The following CCDC25 variants were observed in gnomAD, a reference collection of about 807,000 sequenced individuals.
CCDC25 encodes coiled-coil domain containing 25, also known as coiled-coil domain-containing protein 25.
Under a neutral mutation model 35.3 loss-of-function variants are expected in CCDC25, and 16 were observed. That is an observed-to-expected ratio of 0.45 (90% CI 0.31 to 0.69). The LOEUF is 0.69. Ranked by LOEUF, CCDC25 falls within the 30% of genes least tolerant of loss-of-function variation. CCDC25 has a pLI of 0.06. For missense variants in CCDC25, 179 were observed against 250.7 expected (o/e 0.71, Z 1.93); for synonymous variants, 79 against 80.3 (o/e 0.98, Z 0.09).
intron 1 of CCDC25, among the ~76,000 whole-genome samples, chr8:27,765,735 G>A (rs1359538289): frequency 6.6e-6 from 1 of 152,086 alleles, no homozygotes; most frequent in Non-Finnish European, 1.5e-5. Context: ...CCATATTCCA[G>A]GTGTGCTGCA....
In CCDC25 at chr8:27,772,608, C is replaced by G. The variant is rs1585385777; in HGVS notation, c.-68G>C. 2 of 1,498,376 alleles carry G rather than the reference C, an allele frequency of 1.3e-6. No individual in the cohort carries two copies. The highest frequency in any genetic ancestry group is 2.5e-5 in the East Asian group (1 of 40,142). 92.8% of individuals were successfully genotyped at this position (1,498,376 alleles called of 1,614,324 possible). On this transcript the variant is annotated 5_prime_UTR_variant, in exon 1 of 9. Coordinates refer to ENST00000356537, the MANE Select transcript of CCDC25 (RefSeq NM_018246.3). Reference sequence around the variant, plus strand: ...GCTCAACTCACGAAGCTCAGGATACCAGACTCGCGGCGGCCGCCTGGCCCC... The same window carrying G: ...GCTCAACTCACGAAGCTCAGGATACGAGACTCGCGGCGGCCGCCTGGCCCC...
intron 7 of CCDC25, among the ~76,000 whole-genome samples, chr8:27,742,910 T>C (rs1321110633): frequency 6.6e-6 from 1 of 152,098 alleles, no homozygotes; most frequent in East Asian, 1.9e-4. Context: ...CAAATTTACC[T>C]TTCTTTAGTT....
chr8:27,765,340 A>G, intron 1 of CCDC25, 89 bp from the exon 2 acceptor site: 1 of 1,092,352 alleles, frequency 9.2e-7, no homozygotes, highest in East Asian at 3.1e-5. Flanking sequence ...TTCTTAGACT[A>G]GGGGCTGGCA....
At chr8:27,756,618 A>G in intron 4 of CCDC25, 101 bp downstream of exon 4, 1 of 783,022 alleles carries the variant, frequency 1.3e-6, no homozygotes, top group South Asian at 1.6e-5. Context: ...AGATTTGCGT[A>G]CCAACTTATT....
At chr8:27,748,458 C>G (rs1345211098) in intron 6 of CCDC25, 37 bp downstream of exon 6, 1 of 1,499,852 alleles carries the variant, frequency 6.7e-7, no homozygotes, top group East Asian at 2.3e-5. Context: ...CATTCAGTAT[C>G]AGGGCTCCGC....
At chr8:27,760,488 A>AT (rs1376648981) in intron 3 of CCDC25, among the ~76,000 whole-genome samples, 1 of 152,202 alleles carries the variant, frequency 6.6e-6, no homozygotes, top group African/African-American at 2.4e-5. Context: ...GGAGATAACC[A>AT]TGATGTGGCC....
At chr8:27,750,834 G>A (rs1043936622) in intron 5 of CCDC25, among the ~76,000 whole-genome samples, 2 of 152,126 alleles carry the variant, frequency 1.3e-5, no homozygotes, top group Admixed American at 6.5e-5. Flanking sequence ...ATTCTATAGC[G>A]ACAAACAAAT....
At chr8:27,738,601 G>GGGGT (rs111450669) in intron 8 of CCDC25, among the ~76,000 whole-genome samples, 3 of 149,958 alleles carry the variant, frequency 2.0e-5, no homozygotes, top group African/African-American at 4.9e-5. Context: ...TCGGTAGGTA[G>GGGGT]GTGTGTGTGT....
At chr8:27,759,227 G>A (rs1202491331) in intron 3 of CCDC25, among the ~76,000 whole-genome samples, 2 of 152,236 alleles carry the variant, frequency 1.3e-5, no homozygotes, top group African/African-American at 4.8e-5. Context: ...GCTGTCCAAC[G>A]ACTTAAAGCA....
At chr8:27,766,489 T>C (rs1391162739) in intron 1 of CCDC25, among the ~76,000 whole-genome samples, 1 of 152,212 alleles carries the variant, frequency 6.6e-6, no homozygotes, top group Non-Finnish European at 1.5e-5. Context: ...GAAAAGTACC[T>C]TGAAAGAATG....
intron 4 of CCDC25, among the ~76,000 whole-genome samples, chr8:27,755,350 A>G (rs1585360643): frequency 1.3e-5 from 2 of 152,224 alleles, no homozygotes; most frequent in East Asian, 3.9e-4. Context: ...AGCTGCAACA[A>G]TATCAGAGTA....
chr8:27,741,776 G>A (rs1371796986), intron 7 of CCDC25, among the ~76,000 whole-genome samples: 2 of 152,204 alleles, frequency 1.3e-5, no homozygotes, highest in Admixed American at 6.5e-5. Flanking sequence ...CAAGATTAGA[G>A]AGGTGGTTAA....
chr8:27,762,458 T>A lies in CCDC25; in HGVS notation c.77A>T (p.Asn26Ile). 1 of 1,613,312 alleles carries A rather than the reference T, an allele frequency of 6.2e-7. No homozygotes were observed. Among genetic ancestry groups the A allele is most frequent in the Non-Finnish European group, 8.5e-7 (1 of 1,179,748 alleles). Residue 26 changes from asparagine to isoleucine, a missense_variant and splice_region_variant, in exon 3 of 9, where the codon AAT (asparagine) becomes ATT (isoleucine). By Grantham distance (149) the Asn-to-Ile change is moderately radical. Coordinates refer to ENST00000356537, the MANE Select transcript of CCDC25 (RefSeq NM_018246.3). Reference protein sequence around the residue: ...TIYMGKDKYENEDLIKHGWPE... With the variant: ...TIYMGKDKYEIEDLIKHGWPE... Reference sequence around the variant, plus strand: ...CCAGCCATGCTTGATCAGATCTTCATCTGCAATGAGATATGAGAAACGAAA... The same window carrying A: ...CCAGCCATGCTTGATCAGATCTTCAACTGCAATGAGATATGAGAAACGAAA...
chr8:27,769,751 G>A (rs990951902), intron 1 of CCDC25, among the ~76,000 whole-genome samples: 2 of 152,212 alleles, frequency 1.3e-5, no homozygotes, highest in Admixed American at 6.5e-5. Flanking sequence ...AGTAGGGTCT[G>A]TGAGTTACAA....
In CCDC25 at chr8:27,753,833, AC is replaced by A. The variant is rs760088439; in HGVS notation, c.169-1247del. 3.9e-5 allele frequency among the ~76,000 whole-genome samples: 6 copies of A among 152,318 alleles called. No homozygotes were observed. In the East Asian group the frequency reaches 7.7e-4, roughly 20 times the overall value. ...AGACTTCATAATCCTCTTTTCCTTC[AC>A]CATATAGTCCTCAAAAACATAAATA... is the stretch of plus-strand genomic sequence containing the variant. On this transcript the variant is annotated intron_variant, in intron 4 of 8. Coordinates refer to ENST00000356537, the MANE Select transcript of CCDC25 (RefSeq NM_018246.3).
At chr8:27,766,873 G>A (rs1333140702) in intron 1 of CCDC25, among the ~76,000 whole-genome samples, 1 of 152,054 alleles carries the variant, frequency 6.6e-6, no homozygotes. Context: ...GTATTTTTGT[G>A]TATCTATATG....
At chr8:27,764,506 T>C (rs1182504841) in intron 2 of CCDC25, 1 of 367,174 alleles carries the variant, frequency 2.7e-6, no homozygotes, top group Non-Finnish European at 5.4e-6. Context: ...CTCGAACTCC[T>C]GGGCTCAAGT....
chr8:27,761,533 C>CGGGA (rs1554551309), intron 3 of CCDC25, among the ~76,000 whole-genome samples: 1 of 152,116 alleles, frequency 6.6e-6, no homozygotes, highest in Admixed American at 6.5e-5. Flanking sequence ...ATAAAGCAAA[C>CGGGA]GGGACCCAGG....
intron 7 of CCDC25, among the ~76,000 whole-genome samples, chr8:27,741,320 G>A (rs1803430071): frequency 6.6e-6 from 1 of 152,090 alleles, no homozygotes; most frequent in Admixed American, 6.5e-5. Flanking sequence ...ACAAAGCCTG[G>A]ACCCACAGAA....
Sources: allele counts gnomAD v4.1 joint callset (sites outside exome capture counted in the v4.1 genomes callset), GRCh38; gene constraint gnomAD v4.1.1; transcripts MANE v1.5; gene names NCBI Gene and HGNC (gene_info 2026-07-23, HGNC 2026-07-21).